NXPE4: variants seen among roughly 807,000 people sequenced by gnomAD.
NXPE4 encodes NXPE family member 4.
NXPE4 carries 42 observed loss-of-function variants against 33.3 expected under a neutral mutation model. The observed-to-expected ratio is 1.26, with a 90% CI of 0.98 to 1.63. The LOEUF is 1.63. NXPE4 is among the 40% of genes most tolerant of loss of function. NXPE4 has a pLI of 0.00. For synonymous variants in NXPE4, 253 were observed against 234.9 expected, an observed-to-expected ratio of 1.08 and a Z score of -0.71; for missense variants, 709 against 647.6, an observed-to-expected ratio of 1.09 and a Z score of -1.03.
the NXPE4 span, among the ~76,000 whole-genome samples, chr11:114,650,565 G>A: frequency 6.6e-6 from 1 of 151,260 alleles, no homozygotes; most frequent in African/African-American, 2.4e-5. Context: ...TCCTTCCCCA[G>A]GAAGTGAGAA....
the NXPE4 span, among the ~76,000 whole-genome samples, chr11:114,671,997 A>G: frequency 6.6e-6 from 1 of 152,022 alleles, no homozygotes; most frequent in Non-Finnish European, 1.5e-5. Flanking sequence ...GAAAACTTAC[A>G]ATCATGGTGA....
the NXPE4 span, among the ~76,000 whole-genome samples, chr11:114,607,348 C>T: frequency 1.3e-5 from 2 of 151,916 alleles, no homozygotes; most frequent in Non-Finnish European, 2.9e-5. Context: ...AGTATTGCCT[C>T]GTGGGTAACC....
At chr11:114,639,911 TATA>T in the NXPE4 span, among the ~76,000 whole-genome samples, 27 of 114,608 alleles carry the variant, frequency 2.4e-4, no homozygotes, top group Admixed American at 7.8e-4. Flanking sequence ...AAATATAAAA[TATA>T]ATATTATATT....
At chr11:114,591,316 TG>T (rs1949447522) in intron 2 of NXPE4, among the ~76,000 whole-genome samples, 1 of 152,218 alleles carries the variant, frequency 6.6e-6, no homozygotes, top group Non-Finnish European at 1.5e-5. Context: ...TGCTACCATT[TG>T]GAAGGAAAGA....
At chr11:114,669,444 A>G in the NXPE4 span, among the ~76,000 whole-genome samples, 7 of 152,220 alleles carry the variant, frequency 4.6e-5, no homozygotes, top group Admixed American at 2.0e-4. Flanking sequence ...AGGGTAAGAT[A>G]TCCCTTTTCA....
chr11:114,666,334 TAAAGTA>T, the NXPE4 span, among the ~76,000 whole-genome samples: 1 of 152,084 alleles, frequency 6.6e-6, no homozygotes, highest in African/African-American at 2.4e-5. Flanking sequence ...TCCTTTAAAG[TAAAGTA>T]AAAGTCCCAC....
the NXPE4 span, among the ~76,000 whole-genome samples, chr11:114,676,035 C>T: frequency 1.3e-5 from 2 of 151,896 alleles, no homozygotes; most frequent in African/African-American, 4.8e-5. Flanking sequence ...GCTGACAGAA[C>T]TGCATATCCA....
chr11:114,632,941 ATT>A, the NXPE4 span, among the ~76,000 whole-genome samples: 1 of 98,362 alleles, frequency 1.0e-5, no homozygotes, highest in Non-Finnish European at 1.8e-5. Context: ...AATAATATAT[ATT>A]ATATGATATT....
the NXPE4 span, among the ~76,000 whole-genome samples, chr11:114,602,617 CAT>C: frequency 5.3e-4 from 74 of 140,352 alleles, 2 homozygotes; most frequent in South Asian, 0.015. Flanking sequence ...ATAATTATCT[CAT>C]ATATAAATTA....
the NXPE4 span, among the ~76,000 whole-genome samples, chr11:114,631,411 A>G: frequency 6.6e-6 from 1 of 151,320 alleles, no homozygotes; most frequent in Non-Finnish European, 1.5e-5. Context: ...TTCTCAGTAA[A>G]CTATCGCAAG....
chr11:114,647,738 G>A, the NXPE4 span, among the ~76,000 whole-genome samples: 1 of 149,434 alleles, frequency 6.7e-6, no homozygotes, highest in Non-Finnish European at 1.5e-5. Context: ...ATCTCACTCT[G>A]TCACCCAGGC....
chr11:114,602,033 CTATA>C, the NXPE4 span, among the ~76,000 whole-genome samples: 1 of 83,796 alleles, frequency 1.2e-5, no homozygotes, highest in Admixed American at 2.2e-4. Context: ...ATATGTTATA[CTATA>C]TAATATATAT....
chr11:114,645,806 TCA>T, the NXPE4 span, among the ~76,000 whole-genome samples: 2 of 152,154 alleles, frequency 1.3e-5, no homozygotes, highest in African/African-American at 2.4e-5. Flanking sequence ...AGAATTCAAA[TCA>T]CAGTGACAGA....
At chr11:114,588,352 G>A (rs183100836) in intron 2 of NXPE4, among the ~76,000 whole-genome samples, 118 of 152,242 alleles carry the variant, frequency 7.8e-4, no homozygotes, top group Middle Eastern at 6.8e-3. Context: ...GGGAGACTTA[G>A]GCCAATTTTC....
At chr11:114,627,901 C>T in the NXPE4 span, among the ~76,000 whole-genome samples, 1 of 151,504 alleles carries the variant, frequency 6.6e-6, no homozygotes, top group Non-Finnish European at 1.5e-5. Context: ...TTTAAACCAA[C>T]AAAGATCAAA....
the NXPE4 span, among the ~76,000 whole-genome samples, chr11:114,608,516 C>T: frequency 2.0e-5 from 3 of 151,904 alleles, no homozygotes; most frequent in African/African-American, 7.3e-5. Flanking sequence ...AGTGTTGCCT[C>T]GTGGGTAAGC....
At chr11:114,653,524 C>G in the NXPE4 span, among the ~76,000 whole-genome samples, 1 of 143,468 alleles carries the variant, frequency 7.0e-6, no homozygotes, top group Non-Finnish European at 1.5e-5. Context: ...TACCCTTGTC[C>G]TGCTTTCCCT....
the NXPE4 span, among the ~76,000 whole-genome samples, chr11:114,623,065 G>T: frequency 3.3e-5 from 5 of 152,166 alleles, no homozygotes; most frequent in Non-Finnish European, 7.4e-5. Context: ...TGCCTTGAGG[G>T]TAACCACTGT....
the NXPE4 span, among the ~76,000 whole-genome samples, chr11:114,646,093 C>A: frequency 6.6e-6 from 1 of 152,026 alleles, no homozygotes; most frequent in Non-Finnish European, 1.5e-5. Context: ...TTCCCTTCAA[C>A]TTCTTTTATT....
Sources: gnomAD v4.1 joint callset for allele counts (sites outside exome capture counted in the v4.1 genomes callset) on GRCh38, gnomAD v4.1.1 for gene constraint, MANE v1.5 for transcripts, NCBI Gene and HGNC (gene_info 2026-07-23, HGNC 2026-07-21) for gene names.